The following WWOX variants were observed in gnomAD, a reference collection of about 807,000 sequenced individuals.
WWOX encodes WW domain containing oxidoreductase.
Under a neutral mutation model 46.2 loss-of-function variants are expected in WWOX, and 69 were observed. That is an observed-to-expected ratio of 1.49 (90% CI 1.23 to 1.82). WWOX has a LOEUF of 1.82. Among genes scored for constraint, WWOX ranks in the 40% most tolerant of loss-of-function variants. WWOX has a pLI of 0.00. For missense variants in WWOX, 919 were observed against 542.6 expected, an observed-to-expected ratio of 1.69 and a Z score of -6.89; for synonymous variants, 359 against 202.6, an observed-to-expected ratio of 1.77 and a Z score of -6.56.
intron 8 of WWOX, among the ~76,000 whole-genome samples, chr16:78,550,404 C>T (rs1467694219): frequency 1.3e-5 from 2 of 152,164 alleles, no homozygotes; most frequent in African/African-American, 4.8e-5. Flanking sequence ...AGCCAATGGG[C>T]ATGGTTGTGT....
chr16:78,659,182 G>T (rs1228450665), intron 8 of WWOX, among the ~76,000 whole-genome samples: 1 of 151,946 alleles, frequency 6.6e-6, no homozygotes, highest in Non-Finnish European at 1.5e-5. Flanking sequence ...CCCAGTATGA[G>T]CACGTGGTAT....
intron 8 of WWOX, among the ~76,000 whole-genome samples, chr16:78,730,660 G>A (rs773533099): frequency 7.8e-5 from 11 of 141,820 alleles, no homozygotes; most frequent in Non-Finnish European, 1.7e-4. Context: ...GGGTCTTGCT[G>A]TGTTGCCCGG....
At chr16:78,248,728 C>T (rs1427917354) in intron 5 of WWOX, among the ~76,000 whole-genome samples, 4 of 151,608 alleles carry the variant, frequency 2.6e-5, no homozygotes, top group African/African-American at 9.7e-5. Context: ...AGAGCGAGAC[C>T]CCATTTCAAA....
chr16:78,864,838 C>T (rs1359359914), intron 8 of WWOX, among the ~76,000 whole-genome samples: 3 of 138,486 alleles, frequency 2.2e-5, no homozygotes, highest in African/African-American at 8.2e-5. Context: ...ACTCGGCTCA[C>T]TGCAACATCC....
intron 8 of WWOX, among the ~76,000 whole-genome samples, chr16:79,182,450 T>C (rs28421139): frequency 6.6e-6 from 1 of 152,146 alleles, no homozygotes; most frequent in Non-Finnish European, 1.5e-5. Flanking sequence ...CCATCTTTGT[T>C]TATGGGCTTT....
intron 8 of WWOX, among the ~76,000 whole-genome samples, chr16:78,460,631 G>A (rs2083927070): frequency 6.6e-6 from 1 of 152,212 alleles, no homozygotes. Context: ...AGGGAGAACT[G>A]ATGTGGCCTG....
intron 8 of WWOX, among the ~76,000 whole-genome samples, chr16:78,865,902 G>A (rs1034607535): frequency 7.9e-5 from 12 of 152,136 alleles, no homozygotes; most frequent in Non-Finnish European, 1.8e-4. Context: ...AATTGTGTCT[G>A]GCCTTTGTGA....
intron 8 of WWOX, among the ~76,000 whole-genome samples, chr16:78,924,621 G>C (rs2045456986): frequency 6.6e-6 from 1 of 152,122 alleles, no homozygotes; most frequent in African/African-American, 2.4e-5. Context: ...GAGTCCTTTT[G>C]ACTGTTTAGA....
intron 5 of WWOX, among the ~76,000 whole-genome samples, chr16:78,334,056 G>A (rs1323947262): frequency 6.6e-6 from 1 of 152,132 alleles, no homozygotes; most frequent in Non-Finnish European, 1.5e-5. Flanking sequence ...CAGTAAAACG[G>A]CATTATTTGA....
At chr16:78,749,416 T>A (rs1454430556) in intron 8 of WWOX, among the ~76,000 whole-genome samples, 1 of 152,104 alleles carries the variant, frequency 6.6e-6, no homozygotes, top group Non-Finnish European at 1.5e-5. Context: ...TAATAATAGT[T>A]TAAAAGAGAG....
At chr16:78,750,861 A>G (rs565790958) in intron 8 of WWOX, among the ~76,000 whole-genome samples, 22 of 152,232 alleles carry the variant, frequency 1.4e-4, no homozygotes, top group Non-Finnish European at 2.4e-4. Context: ...TTCGTGGTGT[A>G]TACGTACCAC....
intron 8 of WWOX, among the ~76,000 whole-genome samples, chr16:78,657,198 G>A (rs931387286): frequency 8.5e-5 from 13 of 152,118 alleles, no homozygotes; most frequent in African/African-American, 2.9e-4. Flanking sequence ...CTCTGAGTCT[G>A]TCCATTGTCA....
At chr16:78,100,690 G>A (rs960569160) in intron 1 of WWOX, among the ~76,000 whole-genome samples, 12 of 152,212 alleles carry the variant, frequency 7.9e-5, no homozygotes, top group African/African-American at 2.7e-4. Context: ...TTTTTCACCT[G>A]TAAAATGGGT....
chr16:78,922,010 C>T (rs1328032654), intron 8 of WWOX, among the ~76,000 whole-genome samples: 1 of 152,222 alleles, frequency 6.6e-6, no homozygotes, highest in Non-Finnish European at 1.5e-5. Flanking sequence ...GTCCTCTACC[C>T]ATGACATCAG....
intron 8 of WWOX, among the ~76,000 whole-genome samples, chr16:78,498,891 C>A (rs1213329472): frequency 6.6e-6 from 1 of 152,050 alleles, no homozygotes; most frequent in East Asian, 1.9e-4. Context: ...AATACATAGG[C>A]AACTTCCTCG....
intron 8 of WWOX, among the ~76,000 whole-genome samples, chr16:78,717,054 A>C (rs1320061238): frequency 6.6e-6 from 1 of 152,142 alleles, no homozygotes; most frequent in Non-Finnish European, 1.5e-5. Flanking sequence ...TTCTCTGAAA[A>C]GTTTAAAAGG....
intron 5 of WWOX, among the ~76,000 whole-genome samples, chr16:78,229,296 G>C (rs922830957): frequency 6.0e-5 from 9 of 150,482 alleles, no homozygotes; most frequent in Non-Finnish European, 8.9e-5. Context: ...AATAAAAAGA[G>C]CCAGGACTAG....
intron 8 of WWOX, among the ~76,000 whole-genome samples, chr16:78,954,151 G>C (rs972833969): frequency 2.6e-5 from 4 of 152,162 alleles, no homozygotes; most frequent in African/African-American, 7.2e-5. Flanking sequence ...ATGTCTGTCA[G>C]AGTAGGCATG....
At chr16:78,874,733 C>T (rs74437099) in intron 8 of WWOX, among the ~76,000 whole-genome samples, 66 of 123,386 alleles carry the variant, frequency 5.3e-4, no homozygotes, top group African/African-American at 1.9e-3. Context: ...CTTAGTAAGG[C>T]CATCACAGGT....
Sources: gnomAD v4.1 joint callset for allele counts (sites outside exome capture counted in the v4.1 genomes callset) on GRCh38, gnomAD v4.1.1 for gene constraint, MANE v1.5 for transcripts, NCBI Gene and HGNC (gene_info 2026-07-23, HGNC 2026-07-21) for gene names.